NLRP8: variants seen among roughly 807,000 people sequenced by gnomAD.
NLRP8 encodes the protein NACHT, LRR and PYD domains-containing protein 8.
Under a neutral mutation model 88.7 loss-of-function variants are expected in NLRP8, and 86 were observed. That is an observed-to-expected ratio of 0.97 (90% CI 0.81 to 1.16). The LOEUF (loss-of-function observed/expected upper bound fraction) is 1.16, where lower values mean the gene tolerates loss of function less well. Ranked by LOEUF, NLRP8 falls within the 50% of genes most tolerant of loss-of-function variation. NLRP8 has a pLI of 0.00. For synonymous variants in NLRP8, 504 were observed against 494.6 expected, an observed-to-expected ratio of 1.02 and a Z score of -0.25; for missense variants, 1,342 against 1,286.5, an observed-to-expected ratio of 1.04 and a Z score of -0.66.
intron 9 of NLRP8, among the ~76,000 whole-genome samples, chr19:55,985,589 C>T (rs1980770691): frequency 6.6e-6 from 1 of 152,022 alleles, no homozygotes. Flanking sequence ...AAATTAATTC[C>T]AAGTATAGTA....
chr19:55,954,390 G>A, intron 2 of NLRP8, 111 bp from the exon 3 acceptor site: 1 of 1,038,116 alleles, frequency 9.6e-7, no homozygotes, highest in Non-Finnish European at 1.4e-6. Context: ...TTTATGCAAG[G>A]GCATCACGGG....
chr19:55,950,802 A>G (rs909302048), intron 1 of NLRP8, among the ~76,000 whole-genome samples: 5 of 152,200 alleles, frequency 3.3e-5, no homozygotes, highest in African/African-American at 1.2e-4. Context: ...AGGTGGGGCC[A>G]GGCGCAGTGG....
chr19:55,953,267 G>A lies in NLRP8; in HGVS notation c.442+655G>A, dbSNP rs116980882. On this transcript the variant is annotated intron_variant, in intron 2 of 9. Coordinates refer to ENST00000291971, the MANE Select transcript of NLRP8 (RefSeq NM_176811.2). ...CCCATCACCCCTGGATGGGACCATC[G>A]AGTTGCGGGAAAACAAGCTCAGGGC... Among the ~76,000 whole-genome samples the A allele has an allele frequency of 6.7e-4, 102 of 152,152 alleles. 1 individual carries two copies. In the East Asian group the frequency reaches 0.018, roughly 27 times the overall value.
chr19:55,984,062 ACTGGAGGTC>A (rs1980692336), intron 9 of NLRP8, among the ~76,000 whole-genome samples: 1 of 152,074 alleles, frequency 6.6e-6, no homozygotes, highest in South Asian at 2.1e-4. Flanking sequence ...TTAACTTTGC[ACTGGAGGTC>A]CTAGTCAGTG....
At position 55,987,903 on chromosome 19, in the gene NLRP8, T is replaced by C; in HGVS notation, c.3137T>C (p.Ile1046Thr). The C allele has an allele frequency of 6.2e-7, 1 of 1,612,756 alleles. No homozygotes were observed. The highest frequency in any genetic ancestry group is 8.5e-7 in the Non-Finnish European group (1 of 1,178,792). Residue 1046 changes from isoleucine to threonine, a missense_variant, in exon 10 of 10, where the codon ATT (isoleucine) becomes ACT (threonine). Ile to Thr is a moderately conservative substitution (Grantham distance 89). Transcript: ENST00000291971. Reference sequence around the variant, plus strand: ...GGAAAAAGTGACTGCCTATCCCAGATTAATCCTTAGGCCGTCCAGTCATCT... The same window carrying C: ...GGAAAAAGTGACTGCCTATCCCAGACTAATCCTTAGGCCGTCCAGTCATCT...
At chr19:55,964,280 C>T (rs1395122433) in intron 4 of NLRP8, among the ~76,000 whole-genome samples, 1 of 152,222 alleles carries the variant, frequency 6.6e-6, no homozygotes, top group Non-Finnish European at 1.5e-5. Flanking sequence ...GGGATTAATT[C>T]TCACAGCCAT....
chr19:55,948,255 G>A lies in NLRP8; in HGVS notation c.353G>A (p.Arg118His), dbSNP rs199960073. The A allele has an allele frequency of 4.6e-5, 74 of 1,612,400 alleles. No homozygotes were observed. The highest frequency in any genetic ancestry group is 2.9e-4 in the East Asian group (13 of 44,826). The change falls in exon 1 of 10, where the codon CGC (arginine) becomes CAC (histidine). Residue 118 changes from arginine to histidine, a missense_variant. Coordinates refer to ENST00000291971, the MANE Select transcript of NLRP8 (RefSeq NM_176811.2). ...TGTGATAAAATGTGTGTTGTAGTCCGCAGAGAGATAAATGGTGAGTGTTGA... is the reference window on the plus strand; with the variant it reads ...TGTGATAAAATGTGTGTTGTAGTCCACAGAGAGATAAATGGTGAGTGTTGA...
Position 55,955,976 on chromosome 19 carries a change from AAAG to A in NLRP8, c.1922_1924del (p.Glu641del). On this transcript the variant is annotated inframe_deletion, in exon 3 of 10. Transcript: ENST00000291971. Reference sequence around the variant, plus strand: ...AGTTGTCTTGAGAATTGGCAACAACAAAGAAGTTCAAGTGTCTGCTTTTTGCCT... The same window carrying A: ...AGTTGTCTTGAGAATTGGCAACAACAAAGTTCAAGTGTCTGCTTTTTGCCT... The A allele has an allele frequency of 6.2e-7, 1 of 1,614,218 alleles. No homozygotes were observed. The highest frequency in any genetic ancestry group is 8.5e-7 in the Non-Finnish European group (1 of 1,180,040).
At chr19:55,983,335 A>AT (rs1347634422) in intron 9 of NLRP8, among the ~76,000 whole-genome samples, 1 of 151,602 alleles carries the variant, frequency 6.6e-6, no homozygotes, top group Non-Finnish European at 1.5e-5. Flanking sequence ...GTGGTGGTGC[A>AT]TGCCTGTAGT....
chr19:55,961,357 T>C (rs545455834), intron 3 of NLRP8, among the ~76,000 whole-genome samples: 9 of 152,286 alleles, frequency 5.9e-5, no homozygotes, highest in African/African-American at 1.4e-4. Flanking sequence ...GATTTTTCTT[T>C]CTTGTACTCA....
intron 8 of NLRP8, among the ~76,000 whole-genome samples, chr19:55,978,768 G>A (rs1186065593): frequency 6.6e-6 from 1 of 152,060 alleles, no homozygotes; most frequent in East Asian, 1.9e-4. Flanking sequence ...ACTTATAGAA[G>A]GATTTGAGCT....
intron 1 of NLRP8, among the ~76,000 whole-genome samples, chr19:55,952,177 G>A (rs978298416): frequency 2.0e-5 from 3 of 152,152 alleles, no homozygotes; most frequent in South Asian, 4.1e-4. Context: ...CCGACTGGAC[G>A]TATAGATACA....
At position 55,959,313 on chromosome 19, in the gene NLRP8, G is replaced by A. The variant is rs145182629; in HGVS notation, c.2043-2754G>A. Among the ~76,000 whole-genome samples, 1,513 of 151,472 alleles carry A rather than the reference G, an allele frequency of 1.0e-2. 50 individuals carry two copies. The highest frequency in any genetic ancestry group is 0.06 in the East Asian group (304 of 5,100). ...TGCAAGCTCCGCCTCCCTGGTTCAC[G>A]CCATTCTCCTGCCTCAGCCTCCCCA... On this transcript the variant is annotated intron_variant, in intron 3 of 9. Transcript: ENST00000291971.
In NLRP8 at chr19:55,957,677, ATATATATATATATAT is replaced by A. The variant is rs1334759383; in HGVS notation, c.2042+1578_2042+1592del. ...TTAAAAAAGAAAAAATAATAATTATATATATATATATATATATATATATATATATATATATATATA... is the reference window on the plus strand; with the variant it reads ...TTAAAAAAGAAAAAATAATAATTATAATATATATATATATATATATATATA... On this transcript the variant is annotated intron_variant, in intron 3 of 9. Transcript: ENST00000291971. Among the ~76,000 whole-genome samples the A allele has an allele frequency of 6.3e-3, 75 of 11,970 alleles. 2 individuals carry two copies. In the South Asian group the frequency reaches 0.097, roughly 15 times the overall value. The allele number at this position is 11,970 out of a possible 152,430, so 7.9% of individuals were successfully genotyped here. A position where few individuals can be genotyped will look rare whatever the true frequency, so the allele number is the denominator to read the frequency against.
intron 6 of NLRP8, among the ~76,000 whole-genome samples, chr19:55,972,693 C>T (rs972846679): frequency 1.3e-5 from 2 of 151,866 alleles, no homozygotes; most frequent in Non-Finnish European, 2.9e-5. Flanking sequence ...GGTTTCCATT[C>T]CTGAGTTACT....
chr19:55,979,430 G>A lies in NLRP8; in HGVS notation c.2913G>A (p.Gln971=), dbSNP rs1239657066. 1.4e-5 allele frequency: 23 copies of A among 1,613,998 alleles called. No individual in the cohort carries two copies. The highest frequency in any genetic ancestry group is 1.6e-5 in the Non-Finnish European group (19 of 1,180,040). The change falls in exon 9 of 10, where the codon CAG becomes CAA. Residue 971 remains glutamine, a synonymous_variant. Transcript: ENST00000291971. The stretch of plus-strand genomic sequence containing the variant: ...GCCTGTTCACCTCCATCTGCTGCCA[G>A]GCCATGGCTTCCATGCTCCGCAAAA...
intron 4 of NLRP8, among the ~76,000 whole-genome samples, chr19:55,963,121 C>G (rs1005927949): frequency 2.0e-5 from 3 of 152,154 alleles, no homozygotes; most frequent in African/African-American, 7.2e-5. Flanking sequence ...TCAAGCAATT[C>G]TCCTGCCTCA....
At chr19:55,977,318 TA>T in intron 8 of NLRP8, among the ~76,000 whole-genome samples, 2 of 145,614 alleles carry the variant, frequency 1.4e-5, no homozygotes, top group East Asian at 3.9e-4. Flanking sequence ...TATATGTAGA[TA>T]CTTATTTTAT....
chr19:55,970,769 T>C, intron 6 of NLRP8, 73 bp downstream of exon 6: 2 of 1,586,784 alleles, frequency 1.3e-6, no homozygotes, highest in Admixed American at 1.7e-5. Context: ...AGTGCTTCTG[T>C]GAGAAAAGAA....
Sources: gnomAD v4.1 joint callset for allele counts (sites outside exome capture counted in the v4.1 genomes callset) on GRCh38, gnomAD v4.1.1 for gene constraint, MANE v1.5 for transcripts, NCBI Gene and HGNC (gene_info 2026-07-23, HGNC 2026-07-21) for gene names.